The following SH3RF3 variants were observed in gnomAD, a reference collection of about 807,000 sequenced individuals.
SH3RF3 encodes the protein E3 ubiquitin-protein ligase SH3RF3.
SH3RF3 carries 29 observed loss-of-function variants against 66.3 expected under a neutral mutation model. That is an observed-to-expected ratio of 0.44 (90% confidence interval 0.33 to 0.60). The LOEUF (loss-of-function observed/expected upper bound fraction) is 0.60. Ranked by LOEUF, SH3RF3 falls within the 20% of genes least tolerant of loss-of-function variation. The probability of loss-of-function intolerance (pLI) is 0.04; values close to 1 mark genes in which losing one functional copy is unlikely to be tolerated. For missense variants in SH3RF3, 1,194 were observed against 1,190.9 expected (o/e 1.00, Z -0.04); for synonymous variants, 583 against 532.0 (o/e 1.10, Z -1.32).
intron 2 of SH3RF3, among the ~76,000 whole-genome samples, chr2:109,352,527 T>C (rs1682862899): frequency 1.3e-5 from 2 of 152,214 alleles, no homozygotes; most frequent in South Asian, 4.1e-4. Flanking sequence ...TGGGATGACT[T>C]TGGGGGCCGA....
chr2:109,362,067 T>C (rs566840849), intron 2 of SH3RF3, among the ~76,000 whole-genome samples: 4 of 152,252 alleles, frequency 2.6e-5, no homozygotes, highest in Admixed American at 2.6e-4. Flanking sequence ...GTTTTCAATT[T>C]CATTGATTTC....
At chr2:109,418,635 A>G (rs996088876) in intron 4 of SH3RF3, among the ~76,000 whole-genome samples, 5 of 152,126 alleles carry the variant, frequency 3.3e-5, no homozygotes, top group African/African-American at 4.8e-5. Flanking sequence ...AGGATGATCT[A>G]TTCTCAGGAT....
At chr2:109,303,223 A>AGAT (rs1419953218) in intron 1 of SH3RF3, among the ~76,000 whole-genome samples, 1 of 152,112 alleles carries the variant, frequency 6.6e-6, no homozygotes, top group Admixed American at 6.6e-5. Flanking sequence ...ACTTTGGGAG[A>AGAT]GATTCACTTG....
chr2:109,212,219 C>G (rs1408477905), intron 1 of SH3RF3, among the ~76,000 whole-genome samples: 1 of 152,152 alleles, frequency 6.6e-6, no homozygotes. Flanking sequence ...GATTTTCTTC[C>G]TCCTCTTCTT....
At chr2:109,448,130 G>C (rs1677760540) in intron 7 of SH3RF3, among the ~76,000 whole-genome samples, 1 of 152,206 alleles carries the variant, frequency 6.6e-6, no homozygotes, top group Non-Finnish European at 1.5e-5. Context: ...GCCAGTTCGG[G>C]ATCAAGAGTA....
At chr2:109,424,888 C>CT (rs1162793003) in intron 5 of SH3RF3, among the ~76,000 whole-genome samples, 1 of 152,150 alleles carries the variant, frequency 6.6e-6, no homozygotes, top group Admixed American at 6.5e-5. Flanking sequence ...ACATCTCTCA[C>CT]TTTAAGTCAA....
At chr2:109,418,128 G>GA (rs2104514440) in intron 4 of SH3RF3, among the ~76,000 whole-genome samples, 1 of 152,194 alleles carries the variant, frequency 6.6e-6, no homozygotes, top group Non-Finnish European at 1.5e-5. Context: ...ACCTGCCTTT[G>GA]GCCGAGGTAC....
intron 1 of SH3RF3, among the ~76,000 whole-genome samples, chr2:109,315,213 C>A (rs1057170436): frequency 6.6e-6 from 1 of 152,182 alleles, no homozygotes; most frequent in African/African-American, 2.4e-5. Context: ...AAGTGTGAGT[C>A]CTCTGAGTGG....
chr2:109,369,319 A>T (rs1190782599), intron 2 of SH3RF3, among the ~76,000 whole-genome samples: 1 of 152,174 alleles, frequency 6.6e-6, no homozygotes, highest in Non-Finnish European at 1.5e-5. Flanking sequence ...ATTGCACTCC[A>T]GTCTGGCGAC....
chr2:109,458,090 G>A (rs140551835), intron 8 of SH3RF3, among the ~76,000 whole-genome samples: 1 of 152,272 alleles, frequency 6.6e-6, no homozygotes, highest in Non-Finnish European at 1.5e-5. Flanking sequence ...TAACCTCAAG[G>A]GAATAAGACG....
intron 1 of SH3RF3, among the ~76,000 whole-genome samples, chr2:109,184,896 C>T (rs1465288702): frequency 1.3e-5 from 2 of 152,200 alleles, no homozygotes; most frequent in African/African-American, 2.4e-5. Context: ...CGAAAAAGGC[C>T]TCATCAAACA....
intron 8 of SH3RF3, among the ~76,000 whole-genome samples, chr2:109,486,291 G>A (rs1319403940): frequency 6.6e-6 from 1 of 152,096 alleles, no homozygotes; most frequent in Non-Finnish European, 1.5e-5. Flanking sequence ...CTTTGGGGGT[G>A]GGGCCCACAT....
intron 1 of SH3RF3, among the ~76,000 whole-genome samples, chr2:109,154,492 C>T (rs547333009): frequency 8.5e-5 from 13 of 152,140 alleles, no homozygotes; most frequent in East Asian, 1.9e-4. Flanking sequence ...GGCCAGGCCT[C>T]GAGGCTTCCT....
At chr2:109,151,077 C>A (rs1677215745) in intron 1 of SH3RF3, among the ~76,000 whole-genome samples, 1 of 152,140 alleles carries the variant, frequency 6.6e-6, no homozygotes, top group African/African-American at 2.4e-5. Flanking sequence ...GCACAAAAGC[C>A]AACAGCCACA....
At chr2:109,142,715 G>A (rs1676987327) in intron 1 of SH3RF3, among the ~76,000 whole-genome samples, 1 of 152,194 alleles carries the variant, frequency 6.6e-6, no homozygotes, top group Non-Finnish European at 1.5e-5. Context: ...TCGGGCCTGG[G>A]TTTATTTTCT....
At chr2:109,479,658 T>C (rs1678781505) in intron 8 of SH3RF3, among the ~76,000 whole-genome samples, 1 of 152,138 alleles carries the variant, frequency 6.6e-6, no homozygotes, top group African/African-American at 2.4e-5. Flanking sequence ...GACAGAGCCC[T>C]GCACTTTTGT....
At chr2:109,283,151 C>T (rs754976168) in intron 1 of SH3RF3, among the ~76,000 whole-genome samples, 4 of 152,188 alleles carry the variant, frequency 2.6e-5, no homozygotes, top group Admixed American at 6.5e-5. Context: ...CAGGGTACAG[C>T]CCAGAAATGC....
rs1184489789 is a variant in SH3RF3, at chr2:109,459,869, A to G, written c.2148+10380A>G. Among the ~76,000 whole-genome samples, 4 of 152,110 alleles carry G rather than the reference A, an allele frequency of 2.6e-5. 1 individual carries two copies. Among genetic ancestry groups the G allele is most frequent in the Admixed American group, 1.3e-4 (2 of 15,282 alleles). On this transcript the variant is annotated intron_variant, in intron 8 of 9. Coordinates refer to ENST00000309415, the MANE Select transcript of SH3RF3 (RefSeq NM_001099289.3). ...GGTCATAATAAGTGGTGCTTCTCCC[A>G]TTTCTGCCCCATGATTCCTGGGCCC... is the stretch of plus-strand genomic sequence containing the variant.
At chr2:109,204,869 C>T (rs1678773004) in intron 1 of SH3RF3, among the ~76,000 whole-genome samples, 1 of 152,124 alleles carries the variant, frequency 6.6e-6, no homozygotes, top group South Asian at 2.1e-4. Flanking sequence ...AAACTAAAGG[C>T]TTTTTTGTGT....
Sources: allele counts gnomAD v4.1 joint callset (sites outside exome capture counted in the v4.1 genomes callset), GRCh38; gene constraint gnomAD v4.1.1; transcripts MANE v1.5; gene names NCBI Gene and HGNC (gene_info 2026-07-23, HGNC 2026-07-21).